Variants in FXR1 observed in about 807,000 individuals in gnomAD.
FXR1 encodes RNA-binding protein FXR1.
FXR1 carries 15 observed loss-of-function variants against 84.0 expected under a neutral mutation model. That is an observed-to-expected ratio of 0.18 (90% CI 0.12 to 0.27). The LOEUF (loss-of-function observed/expected upper bound fraction) is 0.27. Ranked by LOEUF, FXR1 falls within the 10% of genes least tolerant of loss-of-function variation. The pLI is 1.00. For synonymous variants in FXR1, 245 were observed against 250.7 expected (o/e 0.98, Z 0.21); for missense variants, 480 against 774.4 (o/e 0.62, Z 4.51).
chr3:180,968,468 G>A (rs112380526), intron 14 of FXR1: 43 of 415,510 alleles, frequency 1.0e-4, no homozygotes, highest in African/African-American at 7.8e-4. Flanking sequence ...CAGAACTTTA[G>A]TTGGCAGCTT....
At chr3:180,928,349 T>C (rs1318942170) in intron 1 of FXR1, among the ~76,000 whole-genome samples, 2 of 151,760 alleles carry the variant, frequency 1.3e-5, no homozygotes, top group South Asian at 2.1e-4. Flanking sequence ...TAGAGTGTTA[T>C]TGTTCCCTCC....
rs10600370 is a variant in FXR1 at position 180,964,673 on chromosome 3, T to TTATATATATATATA, written c.1198+1598_1198+1611dup. On this transcript the variant is annotated intron_variant, in intron 13 of 16. Transcript: ENST00000357559. ...TATATCAGAGGGACTTGTAGTTGAT[T>TTATATATATATATA]TATATATATATATATATATATATAT... is the stretch of plus-strand genomic sequence containing the variant. Among the ~76,000 whole-genome samples, 627 of 136,252 alleles carry TTATATATATATATA rather than the reference T, an allele frequency of 4.6e-3. 8 individuals carry two copies. The highest frequency in any genetic ancestry group is 0.017 in the African/African-American group (571 of 34,486). 89.4% of individuals were successfully genotyped at this position (136,252 alleles called of 152,430 possible). A position where few individuals can be genotyped will look rare whatever the true frequency, so the allele number is the denominator to read the frequency against.
intron 3 of FXR1, among the ~76,000 whole-genome samples, chr3:180,943,158 G>A (rs536452521): frequency 6.6e-6 from 1 of 151,640 alleles, no homozygotes. Flanking sequence ...GTAGAGACGG[G>A]GTTTCACCAT....
At chr3:180,939,257 G>A (rs765683120) in intron 3 of FXR1, among the ~76,000 whole-genome samples, 21 of 152,112 alleles carry the variant, frequency 1.4e-4, no homozygotes, top group Non-Finnish European at 2.9e-4. Context: ...CCCTTATACC[G>A]GTGGGGGGGT....
intron 13 of FXR1, among the ~76,000 whole-genome samples, chr3:180,964,673 T>TTTTATATATATATATATATA (rs148208441): frequency 4.5e-4 from 62 of 136,340 alleles, no homozygotes; most frequent in African/African-American, 1.8e-3. Flanking sequence ...TGTAGTTGAT[T>TTTTATATATATATATATATA]TATATATATA....
chr3:180,933,368 C>T lies in FXR1; in HGVS notation c.86C>T (p.Thr29Ile). The change falls in exon 2 of 17, where the codon ACA becomes ATA. Residue 29 changes from threonine (T) to isoleucine (I), a missense_variant. Thr to Ile is a moderately conservative substitution (Grantham distance 89, BLOSUM62 -1). Transcript: ENST00000357559. ...FIKDVHEDSL[T>I]VVFENNWQPE... ...AAAGATGTTCATGAAGACTCCCTTA[C>T]AGTTGTTTTTGAAAATAAGTAAGTT... 1 of 1,573,002 alleles carries T rather than the reference C, an allele frequency of 6.4e-7. No individual in the cohort carries two copies. Among genetic ancestry groups the T allele is most frequent in the Non-Finnish European group, 8.7e-7 (1 of 1,143,324 alleles).
chr3:180,952,677 T>G (rs890754931), intron 8 of FXR1, among the ~76,000 whole-genome samples: 2 of 152,154 alleles, frequency 1.3e-5, no homozygotes, highest in Non-Finnish European at 2.9e-5. Flanking sequence ...TGTATAAGTG[T>G]TCTCATTATA....
At chr3:180,965,883 T>G (rs911988121) in intron 13 of FXR1, among the ~76,000 whole-genome samples, 3 of 152,174 alleles carry the variant, frequency 2.0e-5, no homozygotes, top group Non-Finnish European at 4.4e-5. Context: ...GAATACTATA[T>G]GTAGGTTAAA....
intron 1 of FXR1, among the ~76,000 whole-genome samples, chr3:180,913,961 ATTTTC>A (rs1417010446): frequency 4.0e-5 from 6 of 151,682 alleles, no homozygotes; most frequent in Middle Eastern, 3.2e-3. Flanking sequence ...CAGCATTTTG[ATTTTC>A]TTTTCTTAGT....
intron 1 of FXR1, among the ~76,000 whole-genome samples, chr3:180,925,037 A>G (rs1255843234): frequency 6.6e-6 from 1 of 152,130 alleles, no homozygotes; most frequent in Non-Finnish European, 1.5e-5. Flanking sequence ...CCTCAGTGCC[A>G]TGGAGAGTAT....
At chr3:180,960,546 ATC>A (rs1302009998) in intron 10 of FXR1, among the ~76,000 whole-genome samples, 1 of 152,174 alleles carries the variant, frequency 6.6e-6, no homozygotes, top group Non-Finnish European at 1.5e-5. Flanking sequence ...GCTCACTGCA[ATC>A]TCTGCCTCCC....
intron 11 of FXR1, among the ~76,000 whole-genome samples, chr3:180,961,847 C>A (rs1160724034): frequency 6.6e-6 from 1 of 152,130 alleles, no homozygotes; most frequent in East Asian, 1.9e-4. Flanking sequence ...TGTCTTCATG[C>A]AATTTGACTC....
chr3:180,943,660 A>G (rs1438719645), intron 3 of FXR1, among the ~76,000 whole-genome samples: 2 of 152,174 alleles, frequency 1.3e-5, no homozygotes, highest in African/African-American at 2.4e-5. Context: ...AGCTTACAGA[A>G]GTGGATATTA....
chr3:180,924,254 G>A (rs1454362479), intron 1 of FXR1, among the ~76,000 whole-genome samples: 1 of 151,954 alleles, frequency 6.6e-6, no homozygotes, highest in Non-Finnish European at 1.5e-5. Context: ...CCAGCCTTCA[G>A]CCCGAGTTTC....
intron 1 of FXR1, among the ~76,000 whole-genome samples, chr3:180,930,075 G>A (rs1415393276): frequency 6.6e-6 from 1 of 151,980 alleles, no homozygotes; most frequent in East Asian, 1.9e-4. Flanking sequence ...CCAGCCTGGC[G>A]GACATGGTGA....
Position 180,940,235 on chromosome 3 carries a change from CTTCATAACACTTAATAGTAAATAT to C in FXR1, c.198+5012_198+5035del, listed in dbSNP as rs1720970998. 2.0e-5 allele frequency among the ~76,000 whole-genome samples: 3 copies of C among 152,262 alleles called. No individual in the cohort carries two copies. In the South Asian group the frequency reaches 6.2e-4, roughly 32 times the overall value. On this transcript the variant is annotated intron_variant, in intron 3 of 16. Coordinates refer to ENST00000357559, the MANE Select transcript of FXR1 (RefSeq NM_005087.4). ...AAAATGGTGTCATCTCTTTAAAAAT[CTTCATAACACTTAATAGTAAATAT>C]TTCATAAGTATTTGCTTAATGATTG...
chr3:180,942,519 A>G (rs1036001904), intron 3 of FXR1, among the ~76,000 whole-genome samples: 5 of 151,560 alleles, frequency 3.3e-5, no homozygotes, highest in Non-Finnish European at 5.9e-5. Context: ...ATTTTTTTTG[A>G]AACAGAATTT....
At chr3:180,970,422 A>ATATATATATATATATATATAT (rs1713420851) in intron 15 of FXR1, 64 bp downstream of exon 15, 12 of 258,492 alleles carry the variant, frequency 4.6e-5, no homozygotes, top group African/African-American at 7.7e-5. Flanking sequence ...ATATATATAT[A>ATATATATATATATATATATAT]ATTGTAAACT....
chr3:180,956,670 C>T (rs1042782632), intron 9 of FXR1, among the ~76,000 whole-genome samples: 6 of 151,258 alleles, frequency 4.0e-5, no homozygotes, highest in Non-Finnish European at 7.4e-5. Flanking sequence ...AGAAGATACA[C>T]GTCATGTGAA....
Sources: allele counts gnomAD v4.1 joint callset (sites outside exome capture counted in the v4.1 genomes callset), GRCh38; gene constraint gnomAD v4.1.1; transcripts MANE v1.5; gene names NCBI Gene and HGNC (gene_info 2026-07-23, HGNC 2026-07-21).